Variants in XRCC4 observed in about 807,000 individuals in gnomAD.
XRCC4 encodes the protein X-ray repair cross complementing 4.
A neutral mutation model predicts 39.1 loss-of-function variants in XRCC4; 28 were observed. The observed-to-expected ratio is 0.72, with a 90% CI of 0.53 to 0.98. The LOEUF is 0.98. Ranked by LOEUF, XRCC4 falls within the 50% of genes least tolerant of loss-of-function variation. XRCC4 has a pLI of 0.00. For synonymous variants in XRCC4, 123 were observed against 126.4 expected (o/e 0.97, Z 0.18); for missense variants, 350 against 376.4 (o/e 0.93, Z 0.58).
At chr5:83,136,992 T>TTAA (rs1270868440) in intron 3 of XRCC4, among the ~76,000 whole-genome samples, 2 of 152,282 alleles carry the variant, frequency 1.3e-5, no homozygotes, top group East Asian at 3.9e-4. Flanking sequence ...GTGATAGATG[T>TTAA]TAATTAGCTT....
intron 2 of XRCC4, among the ~76,000 whole-genome samples, chr5:83,109,225 A>G (rs1423432984): frequency 6.6e-6 from 1 of 151,776 alleles, no homozygotes; most frequent in African/African-American, 2.4e-5. Context: ...ATTCTGTAAT[A>G]TTTTATACTA....
At chr5:83,084,708 G>A (rs1478485) in intron 1 of XRCC4, among the ~76,000 whole-genome samples, 74,374 of 151,884 alleles carry the variant, frequency 0.49, 19,008 homozygotes, top group African/African-American at 0.63. Flanking sequence ...CAGTATCTCT[G>A]ACACGTAGCA....
At chr5:83,225,587 A>C (rs892766665) in intron 6 of XRCC4, among the ~76,000 whole-genome samples, 1 of 141,834 alleles carries the variant, frequency 7.1e-6, no homozygotes, top group African/African-American at 2.7e-5. Context: ...AGCTTGGTGC[A>C]TCGCCAAATT....
At chr5:83,359,851 T>C in the XRCC4 span, among the ~76,000 whole-genome samples, 2 of 152,138 alleles carry the variant, frequency 1.3e-5, no homozygotes, top group African/African-American at 4.8e-5. Flanking sequence ...AAATCAATTT[T>C]ATAATTAAAT....
chr5:83,357,764 G>C (rs1322346035), downstream of XRCC4, among the ~76,000 whole-genome samples: 1 of 152,172 alleles, frequency 6.6e-6, no homozygotes, highest in Admixed American at 6.5e-5. Context: ...GGCCCTTCCT[G>C]GGTGTCCGGA....
At chr5:83,138,826 A>T (rs1748025752) in intron 3 of XRCC4, among the ~76,000 whole-genome samples, 1 of 152,082 alleles carries the variant, frequency 6.6e-6, no homozygotes, top group Non-Finnish European at 1.5e-5. Context: ...GACTAGAACA[A>T]TGATGGTGGA....
chr5:83,199,635 A>C (rs980233586), intron 4 of XRCC4, among the ~76,000 whole-genome samples: 1 of 151,274 alleles, frequency 6.6e-6, no homozygotes, highest in Admixed American at 6.6e-5. Context: ...TTATTTCTGC[A>C]TGAAATTGTT....
chr5:83,105,953 A>C (rs567900421), intron 2 of XRCC4, among the ~76,000 whole-genome samples: 3 of 152,126 alleles, frequency 2.0e-5, no homozygotes, highest in Admixed American at 2.0e-4. Flanking sequence ...AGCGTTATGA[A>C]TTATGTTATA....
At chr5:83,310,236 A>G (rs1201840235) in intron 7 of XRCC4, among the ~76,000 whole-genome samples, 2 of 152,178 alleles carry the variant, frequency 1.3e-5, no homozygotes, top group African/African-American at 4.8e-5. Context: ...ATGGGAGAGG[A>G]CTGAAGCTGT....
At chr5:83,090,310 C>T (rs1745363601) in intron 1 of XRCC4, among the ~76,000 whole-genome samples, 1 of 149,286 alleles carries the variant, frequency 6.7e-6, no homozygotes, top group Admixed American at 6.6e-5. Context: ...GAATAAATCT[C>T]ACGAGATCTG....
chr5:83,174,243 T>G (rs1749853020), intron 3 of XRCC4, among the ~76,000 whole-genome samples: 1 of 152,224 alleles, frequency 6.6e-6, no homozygotes, highest in African/African-American at 2.4e-5. Flanking sequence ...TAATTTATTT[T>G]TAACCATGGC....
chr5:83,155,629 A>G (rs1299503094), intron 3 of XRCC4, among the ~76,000 whole-genome samples: 1 of 152,106 alleles, frequency 6.6e-6, no homozygotes, highest in Non-Finnish European at 1.5e-5. Context: ...ATGTGTACAC[A>G]TTTTTCCACT....
chr5:83,291,628 G>A (rs760543020), intron 7 of XRCC4, among the ~76,000 whole-genome samples: 14 of 151,788 alleles, frequency 9.2e-5, no homozygotes, highest in Non-Finnish European at 5.9e-5. Context: ...ACAGTGCTAT[G>A]TGTGCTCTAC....
chr5:83,091,319 G>A (rs568743399), intron 1 of XRCC4, among the ~76,000 whole-genome samples: 15 of 152,284 alleles, frequency 9.9e-5, no homozygotes, highest in African/African-American at 3.6e-4. Flanking sequence ...GCAGGTGAGA[G>A]AGAAGAGTGA....
intron 7 of XRCC4, among the ~76,000 whole-genome samples, chr5:83,277,634 A>G (rs143491920): frequency 1.1e-3 from 163 of 152,364 alleles, no homozygotes; most frequent in African/African-American, 2.5e-3. Flanking sequence ...ATAAGAAACT[A>G]TAAAACAACA....
At chr5:83,198,263 A>C (rs1162012224) in intron 4 of XRCC4, among the ~76,000 whole-genome samples, 1 of 152,070 alleles carries the variant, frequency 6.6e-6, no homozygotes, top group African/African-American at 2.4e-5. Context: ...TCTATACTAC[A>C]TATGAAGGGA....
chr5:83,194,158 G>T (rs1350268253), intron 3 of XRCC4, among the ~76,000 whole-genome samples: 1 of 152,118 alleles, frequency 6.6e-6, no homozygotes, highest in East Asian at 1.9e-4. Flanking sequence ...TGGCCAGGCA[G>T]GTTTCGAACT....
chr5:83,124,026 A>C (rs181906610), intron 3 of XRCC4, among the ~76,000 whole-genome samples: 1 of 152,248 alleles, frequency 6.6e-6, no homozygotes, highest in African/African-American at 2.4e-5. Flanking sequence ...ACAATATATA[A>C]CTGTAGTACA....
intron 7 of XRCC4, among the ~76,000 whole-genome samples, chr5:83,273,032 C>T (rs1194657476): frequency 2.6e-5 from 4 of 152,178 alleles, no homozygotes; most frequent in Admixed American, 6.5e-5. Flanking sequence ...AACTAATTTA[C>T]ACTCCCACCA....
Sources: gnomAD v4.1 joint callset for allele counts (sites outside exome capture counted in the v4.1 genomes callset) on GRCh38, gnomAD v4.1.1 for gene constraint, MANE v1.5 for transcripts, NCBI Gene and HGNC (gene_info 2026-07-23, HGNC 2026-07-21) for gene names.